Variants in SOX5 observed in about 807,000 individuals in gnomAD.
SOX5 encodes SRY-box transcription factor 5.
SOX5 carries 9 observed loss-of-function variants against 92.0 expected under a neutral mutation model. The observed-to-expected ratio is 0.10, with a 90% confidence interval of 0.06 to 0.17. SOX5 has a LOEUF of 0.17. SOX5 is among the 10% of genes least tolerant of loss of function. SOX5 has a pLI of 1.00. For synonymous variants in SOX5, 344 were observed against 336.3 expected (o/e 1.02, Z -0.25); for missense variants, 642 against 944.5 (o/e 0.68, Z 4.20).
intron 6 of SOX5, among the ~76,000 whole-genome samples, chr12:23,681,078 T>C (rs2086549469): frequency 6.6e-6 from 1 of 152,066 alleles, no homozygotes; most frequent in Admixed American, 6.6e-5. Context: ...TATTAGCTAG[T>C]GTCTAATATT....
intron 4 of SOX5, among the ~76,000 whole-genome samples, chr12:24,175,795 A>G (rs895009925): frequency 5.3e-5 from 8 of 152,144 alleles, no homozygotes; most frequent in African/African-American, 1.9e-4. Context: ...GAAAATAAGG[A>G]ATGGGTATTA....
At chr12:23,863,167 T>C (rs1010270777) in intron 2 of SOX5, among the ~76,000 whole-genome samples, 5 of 152,202 alleles carry the variant, frequency 3.3e-5, no homozygotes, top group Non-Finnish European at 7.4e-5. Context: ...TTCTTTTTAC[T>C]TTTTCCATGG....
chr12:23,713,725 T>C (rs1459030845), intron 6 of SOX5, among the ~76,000 whole-genome samples: 1 of 148,112 alleles, frequency 6.8e-6, no homozygotes, highest in East Asian at 1.9e-4. Context: ...ATATATCTTT[T>C]ATATATATAA....
intron 4 of SOX5, among the ~76,000 whole-genome samples, chr12:24,180,850 A>G (rs1483881253): frequency 6.6e-6 from 1 of 152,232 alleles, no homozygotes. Flanking sequence ...AAGTCTAAGT[A>G]GTTAATGTAA....
chr12:24,017,708 T>C (rs1953815881), intron 4 of SOX5, among the ~76,000 whole-genome samples: 1 of 152,176 alleles, frequency 6.6e-6, no homozygotes, highest in Non-Finnish European at 1.5e-5. Context: ...ACCTGTGCTC[T>C]TAACCCTATG....
At chr12:23,874,875 T>G (rs1279103247) in intron 2 of SOX5, among the ~76,000 whole-genome samples, 1 of 152,104 alleles carries the variant, frequency 6.6e-6, no homozygotes, top group African/African-American at 2.4e-5. Context: ...GTTTTCCACC[T>G]CAAACCACTG....
At chr12:24,376,659 A>AATTTTCAG (rs1957288408) in intron 1 of SOX5, among the ~76,000 whole-genome samples, 1 of 130,056 alleles carries the variant, frequency 7.7e-6, no homozygotes, top group South Asian at 2.7e-4. Context: ...TACCTGGCTT[A>AATTTTCAG]ATTTTCAGAA....
intron 4 of SOX5, among the ~76,000 whole-genome samples, chr12:24,167,130 T>C (rs2139069964): frequency 6.6e-6 from 1 of 152,378 alleles, no homozygotes; most frequent in East Asian, 1.9e-4. Context: ...TTCTTGTCTG[T>C]GTAATACGAC....
At chr12:24,056,110 G>C (rs937726377) in intron 4 of SOX5, among the ~76,000 whole-genome samples, 2 of 152,096 alleles carry the variant, frequency 1.3e-5, no homozygotes, top group Non-Finnish European at 2.9e-5. Context: ...TCAAGTACTA[G>C]TGTATGAGCC....
chr12:23,831,347 C>T (rs780724652), intron 3 of SOX5, among the ~76,000 whole-genome samples: 9 of 151,836 alleles, frequency 5.9e-5, no homozygotes, highest in East Asian at 1.9e-4. Context: ...CAGGAATAAA[C>T]ATAAAACTGT....
chr12:23,900,648 C>CA (rs2097220529), intron 1 of SOX5, among the ~76,000 whole-genome samples: 1 of 152,046 alleles, frequency 6.6e-6, no homozygotes, highest in South Asian at 2.1e-4. Flanking sequence ...AATACACAGT[C>CA]AATGTTGCAA....
intron 1 of SOX5, among the ~76,000 whole-genome samples, chr12:24,508,242 G>A (rs1948986404): frequency 6.6e-6 from 1 of 152,132 alleles, no homozygotes; most frequent in Non-Finnish European, 1.5e-5. Context: ...CAGTGGAAAG[G>A]GGAGCAAACC....
At chr12:24,466,430 C>T (rs543492443) in intron 1 of SOX5, among the ~76,000 whole-genome samples, 3 of 152,184 alleles carry the variant, frequency 2.0e-5, no homozygotes, top group South Asian at 2.1e-4. Flanking sequence ...TGTAAATAAA[C>T]GTTTTGGAAC....
intron 4 of SOX5, among the ~76,000 whole-genome samples, chr12:24,113,763 G>A (rs911977976): frequency 3.9e-5 from 6 of 152,092 alleles, no homozygotes; most frequent in East Asian, 1.9e-4. Flanking sequence ...GCCAAGAAGC[G>A]GCTAAAACGG....
chr12:24,075,987 A>G (rs1173571436), intron 4 of SOX5, among the ~76,000 whole-genome samples: 1 of 152,174 alleles, frequency 6.6e-6, no homozygotes, highest in Non-Finnish European at 1.5e-5. Flanking sequence ...GTAAAGGAGG[A>G]GGACACTGGG....
intron 2 of SOX5, among the ~76,000 whole-genome samples, chr12:24,320,608 G>A (rs900833192): frequency 2.6e-5 from 4 of 152,136 alleles, no homozygotes; most frequent in Non-Finnish European, 4.4e-5. Context: ...GCTCACGCCT[G>A]TAATACCAGC....
At chr12:24,337,012 A>T (rs1343012734) in intron 2 of SOX5, among the ~76,000 whole-genome samples, 1 of 152,218 alleles carries the variant, frequency 6.6e-6, no homozygotes, top group African/African-American at 2.4e-5. Context: ...ATGCACGTGG[A>T]TGCTTACTGA....
intron 6 of SOX5, among the ~76,000 whole-genome samples, chr12:23,677,858 CA>C (rs5797033): frequency 0.11 from 15,982 of 152,092 alleles, 1,120 homozygotes; most frequent in Middle Eastern, 0.16. Flanking sequence ...CAAACAAAAA[CA>C]AAGATAATAT....
intron 3 of SOX5, among the ~76,000 whole-genome samples, chr12:23,795,002 T>C (rs2095537915): frequency 6.6e-6 from 1 of 152,130 alleles, no homozygotes; most frequent in South Asian, 2.1e-4. Flanking sequence ...TAAGAAATTC[T>C]CCACAGTAAA....
Sources: gnomAD v4.1 joint callset for allele counts (sites outside exome capture counted in the v4.1 genomes callset) on GRCh38, gnomAD v4.1.1 for gene constraint, MANE v1.5 for transcripts, NCBI Gene and HGNC (gene_info 2026-07-23, HGNC 2026-07-21) for gene names.